Variants in RNF212 observed in about 807,000 individuals in gnomAD.
RNF212 encodes the protein ring finger protein 212.
In RNF212, 33 loss-of-function variants were observed where a neutral mutation model predicts 34.7. The observed-to-expected ratio is 0.95, with a 90% confidence interval of 0.72 to 1.27. The LOEUF is 1.27. RNF212 is among the 50% of genes most tolerant of loss of function. The probability of loss-of-function intolerance (pLI) is 0.00; values close to 1 mark genes in which losing one functional copy is unlikely to be tolerated. For synonymous variants in RNF212, 140 were observed against 136.1 expected (o/e 1.03, Z -0.20); for missense variants, 377 against 362.2 (o/e 1.04, Z -0.33).
At chr4:1,104,490 G>A (rs1232248772) in intron 2 of RNF212, among the ~76,000 whole-genome samples, 2 of 152,192 alleles carry the variant, frequency 1.3e-5, no homozygotes, top group Non-Finnish European at 2.9e-5. Flanking sequence ...CTGTTTTTAT[G>A]GGCCAGGCCT....
chr4:1,108,247 A>G, intron 2 of RNF212, 96 bp downstream of exon 2: 1 of 772,890 alleles, frequency 1.3e-6, no homozygotes, highest in Admixed American at 3.1e-5. Context: ...AAGTGACTGA[A>G]AATTTTAGAC....
chr4:1,056,747 G>A, intron 4 of RNF212: 1 of 712,672 alleles, frequency 1.4e-6, no homozygotes, highest in Non-Finnish European at 1.7e-6. Context: ...AGAGCTCCAT[G>A]GCTGCCCTTG....
intron 7 of RNF212, 27 bp from the exon 8 acceptor site, chr4:1,079,715 G>C (rs765725407): frequency 3.2e-6 from 5 of 1,573,992 alleles, no homozygotes; most frequent in Non-Finnish European, 4.4e-6. Flanking sequence ...GAAAGGCTTT[G>C]AGTGAGCCCA....
chr4:1,086,179 T>C (rs559659847), intron 4 of RNF212, among the ~76,000 whole-genome samples: 1 of 152,140 alleles, frequency 6.6e-6, no homozygotes, highest in East Asian at 1.9e-4. Context: ...AGGGGACAAA[T>C]CTCAGTGCTG....
chr4:1,058,356 C>G lies in RNF212; in HGVS notation n.185G>C, dbSNP rs548722321. 4 of 984,790 alleles carry G rather than the reference C, an allele frequency of 4.1e-6. No homozygotes were observed. The African/African-American group carries it at 7.0e-5, about 17-fold the overall frequency. 61.0% of individuals were successfully genotyped at this position (984,790 alleles called of 1,614,324 possible). A position where few individuals can be genotyped will look rare whatever the true frequency, so the allele number is the denominator to read the frequency against. On this transcript the variant is annotated non_coding_transcript_exon_variant, in exon 4 of 5. Coordinates refer to the RNF212 transcript ENST00000503206. ...TTCCCATGCTCCTCTGACTCGTTGT[C>G]AGGCCGGGATGCTCGGGGCCCAGGG... is the stretch of plus-strand genomic sequence containing the variant.
intron 4 of RNF212, 31 bp downstream of exon 4, chr4:1,090,751 A>G (rs748569740): frequency 3.8e-6 from 5 of 1,306,566 alleles, no homozygotes. Context: ...GGTCAAAAAA[A>G]TTCAAGTGGC....
intron 4 of RNF212, among the ~76,000 whole-genome samples, chr4:1,089,519 G>A (rs79053889): frequency 0.12 from 18,149 of 152,186 alleles, 1,269 homozygotes; most frequent in East Asian, 0.31. Flanking sequence ...GAGTTTATGC[G>A]GGAATGAGTT....
At chr4:1,075,631 C>G (rs1050772657) in intron 8 of RNF212, among the ~76,000 whole-genome samples, 2 of 152,232 alleles carry the variant, frequency 1.3e-5, no homozygotes, top group African/African-American at 4.8e-5. Context: ...GAGATTCGGG[C>G]AGGGACAAAT....
At chr4:1,061,038 G>A (rs1560089003) in intron 3 of RNF212, among the ~76,000 whole-genome samples, 1 of 152,174 alleles carries the variant, frequency 6.6e-6, no homozygotes, top group Non-Finnish European at 1.5e-5. Flanking sequence ...ATCAATTCAA[G>A]GCAGACAACA....
At position 1,081,590 on chromosome 4, in the gene RNF212, CT is replaced by C. The variant is rs1336966545; in HGVS notation, c.391del (p.Ser131AlafsTer3). The C allele has an allele frequency of 3.1e-6, 5 of 1,611,436 alleles. No individual in the cohort carries two copies. Among genetic ancestry groups the C allele is most frequent in the Non-Finnish European group, 3.4e-6 (4 of 1,177,776 alleles). ...ACTTGAAACTGAACTTTTTATTGTG[CT>C]GAAAGCTGTTTGTTGTGATGATCTC... ...SMRSSQQTAF[S>X]TIKSSVSTKP... On this transcript the variant is annotated frameshift_variant, in exon 6 of 10. Coordinates refer to ENST00000433731, the MANE Select transcript of RNF212 (RefSeq NM_001131034.4). LOFTEE classifies it high-confidence loss of function.
intron 3 of RNF212, chr4:1,093,425 A>G (rs1184834113): frequency 1.4e-6 from 2 of 1,427,638 alleles, no homozygotes; most frequent in Admixed American, 2.9e-5. Flanking sequence ...TAAATGTTAC[A>G]ATACCACCTC....
In RNF212 at chr4:1,073,612, T is replaced by G. The variant is rs779571020; in HGVS notation, c.561A>C (p.Gln187His). The part of the protein sequence containing the change: ...PARISMISPP[Q>H]DGRMGPHLTA... ...CATTTTACTTACCCATTCGTCCATC[T>G]TGAGGTGGACTAATCATGGAGATTC... The change falls in exon 9 of 10, where the codon CAA (glutamine) becomes CAC (histidine). Residue 187 changes from glutamine to histidine, a missense_variant. Coordinates refer to ENST00000433731, the MANE Select transcript of RNF212 (RefSeq NM_001131034.4). 3.0e-5 allele frequency: 49 copies of G among 1,610,168 alleles called. No individual in the cohort carries two copies. The highest frequency in any genetic ancestry group is 3.9e-5 in the Non-Finnish European group (46 of 1,176,678).
downstream of RNF212, among the ~76,000 whole-genome samples, chr4:1,067,238 T>C (rs889951882): frequency 1.3e-5 from 2 of 152,172 alleles, no homozygotes; most frequent in African/African-American, 4.8e-5. Context: ...TATAGCAAAA[T>C]GGTATGATAA....
At chr4:1,089,011 G>A (rs2153050022) in intron 4 of RNF212, among the ~76,000 whole-genome samples, 1 of 152,388 alleles carries the variant, frequency 6.6e-6, no homozygotes, top group South Asian at 2.1e-4. Context: ...CAGTGCAGAA[G>A]GGAAATGTGC....
intron 3 of RNF212, among the ~76,000 whole-genome samples, chr4:1,065,180 G>A (rs1454249703): frequency 6.6e-6 from 1 of 152,178 alleles, no homozygotes; most frequent in Non-Finnish European, 1.5e-5. Context: ...TCTGGGAATT[G>A]TGTTTTTAAG....
At chr4:1,079,325 A>T (rs1719939946) in intron 8 of RNF212, among the ~76,000 whole-genome samples, 1 of 152,274 alleles carries the variant, frequency 6.6e-6, no homozygotes, top group Non-Finnish European at 1.5e-5. Context: ...ACACAGGACC[A>T]ACATGGGACC....
intron 3 of RNF212, among the ~76,000 whole-genome samples, chr4:1,063,995 A>G (rs534087400): frequency 6.6e-6 from 1 of 152,230 alleles, no homozygotes; most frequent in African/African-American, 2.4e-5. Flanking sequence ...TTATCCTTCA[A>G]AATGAAGACA....
rs150384251 is a variant in RNF212 at position 1,085,773 on chromosome 4, T to C, written c.362+123A>G. On this transcript the variant is annotated intron_variant, in intron 5 of 9. Coordinates refer to ENST00000433731, the MANE Select transcript of RNF212 (RefSeq NM_001131034.4). The stretch of plus-strand genomic sequence containing the variant: ...TGCTCTGATGAAAGTTTCTGGTAAA[T>C]GAACGAGCTCTTCCCTCTGCATCTG... The C allele has an allele frequency of 4.5e-3, 3,336 of 736,360 alleles. 100 individuals carry two copies. Among genetic ancestry groups the C allele is most frequent in the South Asian group, 0.041 (2,667 of 65,360 alleles). The allele number at this position is 736,360 out of a possible 1,614,324, so 45.6% of individuals were successfully genotyped here.
chr4:1,068,797 A>G (rs534645212), downstream of RNF212, among the ~76,000 whole-genome samples: 3 of 152,350 alleles, frequency 2.0e-5, no homozygotes, highest in East Asian at 5.8e-4. Context: ...TCTTCATTTT[A>G]AAATGTTAAT....
Sources: gnomAD v4.1 joint callset for allele counts (sites outside exome capture counted in the v4.1 genomes callset) on GRCh38, gnomAD v4.1.1 for gene constraint, MANE v1.5 for transcripts, NCBI Gene and HGNC (gene_info 2026-07-23, HGNC 2026-07-21) for gene names.